Variants in AK5 observed in about 807,000 individuals in gnomAD.
AK5 encodes the protein adenylate kinase isoenzyme 5.
AK5 carries 27 observed loss-of-function variants against 69.5 expected under a neutral mutation model. That is an observed-to-expected ratio of 0.39 (90% confidence interval 0.29 to 0.54). AK5 has a LOEUF of 0.54. AK5 is among the 20% of genes least tolerant of loss of function. The pLI is 0.71. For synonymous variants in AK5, 260 were observed against 244.4 expected, an observed-to-expected ratio of 1.06 and a Z score of -0.60; for missense variants, 531 against 700.4, an observed-to-expected ratio of 0.76 and a Z score of 2.73.
intron 12 of AK5, among the ~76,000 whole-genome samples, chr1:77,528,182 A>G (rs1335064308): frequency 6.6e-6 from 1 of 152,226 alleles, no homozygotes; most frequent in Non-Finnish European, 1.5e-5. Context: ...TCCAAATTAC[A>G]AGCAAGAAAT....
chr1:77,325,066 T>C (rs1370907440), intron 5 of AK5, among the ~76,000 whole-genome samples: 1 of 151,114 alleles, frequency 6.6e-6, no homozygotes, highest in Non-Finnish European at 1.5e-5. Context: ...CAACCTCTGC[T>C]TCCTGGGTTC....
At chr1:77,497,784 G>A (rs1656436524) in intron 10 of AK5, among the ~76,000 whole-genome samples, 1 of 152,078 alleles carries the variant, frequency 6.6e-6, no homozygotes, top group African/African-American at 2.4e-5. Context: ...TTTTCACCAT[G>A]TTGCCCAGGC....
chr1:77,332,599 ATT>A (rs1276245768), intron 5 of AK5, among the ~76,000 whole-genome samples: 1 of 115,116 alleles, frequency 8.7e-6, no homozygotes, highest in African/African-American at 3.2e-5. Flanking sequence ...TTTATTATTT[ATT>A]TGATTATTTA....
At chr1:77,506,410 G>A (rs548314339) in intron 10 of AK5, among the ~76,000 whole-genome samples, 63 of 152,198 alleles carry the variant, frequency 4.1e-4, no homozygotes, top group African/African-American at 1.5e-3. Flanking sequence ...GTGAAGATGG[G>A]GTTAGGGTGC....
chr1:77,470,654 A>G (rs1195882438), intron 8 of AK5, among the ~76,000 whole-genome samples: 2 of 151,748 alleles, frequency 1.3e-5, no homozygotes, highest in African/African-American at 4.8e-5. Flanking sequence ...TTCATAGGTA[A>G]AAACTCTGTT....
At chr1:77,301,258 C>T (rs903188994) in intron 5 of AK5, among the ~76,000 whole-genome samples, 22 of 152,086 alleles carry the variant, frequency 1.4e-4, no homozygotes, top group African/African-American at 3.4e-4. Flanking sequence ...TGTCACTGGC[C>T]GCGTGGTTGA....
At chr1:77,402,838 A>G (rs1256942084) in intron 6 of AK5, among the ~76,000 whole-genome samples, 5 of 152,146 alleles carry the variant, frequency 3.3e-5, no homozygotes, top group Non-Finnish European at 7.3e-5. Context: ...GTCAAATGGT[A>G]TTTCTAGTTC....
chr1:77,369,878 TAA>T (rs1647087191), intron 6 of AK5, among the ~76,000 whole-genome samples: 1 of 152,216 alleles, frequency 6.6e-6, no homozygotes, highest in South Asian at 2.1e-4. Context: ...GTTTTAGAGT[TAA>T]GAGTGTAGTC....
intron 10 of AK5, among the ~76,000 whole-genome samples, chr1:77,491,752 A>T (rs1656020680): frequency 6.6e-6 from 1 of 152,248 alleles, no homozygotes. Flanking sequence ...TTTATTGAGC[A>T]GTTAACACGT....
At chr1:77,393,192 A>G (rs1648601665) in intron 6 of AK5, among the ~76,000 whole-genome samples, 1 of 152,174 alleles carries the variant, frequency 6.6e-6, no homozygotes, top group African/African-American at 2.4e-5. Flanking sequence ...TGAGGAAAGC[A>G]TTTTGTGATA....
intron 8 of AK5, among the ~76,000 whole-genome samples, chr1:77,461,430 G>A (rs529222771): frequency 6.6e-6 from 1 of 152,060 alleles, no homozygotes; most frequent in African/African-American, 2.4e-5. Context: ...GGAATGGGGA[G>A]ATGTCAGTCA....
chr1:77,523,658 A>G (rs553600705), intron 12 of AK5, among the ~76,000 whole-genome samples: 1 of 152,142 alleles, frequency 6.6e-6, no homozygotes, highest in East Asian at 1.9e-4. Flanking sequence ...CTGAAACTCT[A>G]CCTACTATTT....
At chr1:77,466,625 A>G (rs1049105265) in intron 8 of AK5, among the ~76,000 whole-genome samples, 1 of 152,214 alleles carries the variant, frequency 6.6e-6, no homozygotes, top group Non-Finnish European at 1.5e-5. Context: ...GGTGATTTAT[A>G]AAAAACAAAA....
chr1:77,379,241 C>T (rs1217331902), intron 6 of AK5, among the ~76,000 whole-genome samples: 1 of 152,182 alleles, frequency 6.6e-6, no homozygotes, highest in African/African-American at 2.4e-5. Flanking sequence ...AAATACCTCC[C>T]TTGCGATGGA....
intron 10 of AK5, among the ~76,000 whole-genome samples, chr1:77,497,009 T>C (rs954850798): frequency 2.0e-5 from 3 of 152,206 alleles, no homozygotes; most frequent in East Asian, 3.9e-4. Context: ...AGCAACCCAC[T>C]GGGGTCCCCT....
intron 5 of AK5, among the ~76,000 whole-genome samples, chr1:77,328,661 G>T (rs529867084): frequency 2.6e-5 from 4 of 152,206 alleles, no homozygotes; most frequent in African/African-American, 9.6e-5. Flanking sequence ...ATATATTTTT[G>T]AATCCACTAA....
chr1:77,380,081 A>C (rs1647524104), intron 6 of AK5, among the ~76,000 whole-genome samples: 1 of 152,246 alleles, frequency 6.6e-6, no homozygotes, highest in South Asian at 2.1e-4. Flanking sequence ...TTAAGAAGGC[A>C]GACACTGAAT....
intron 5 of AK5, among the ~76,000 whole-genome samples, chr1:77,318,189 T>C (rs1289112316): frequency 6.6e-6 from 1 of 152,180 alleles, no homozygotes; most frequent in African/African-American, 2.4e-5. Context: ...TGGCAGCATC[T>C]GCTTGGTGTC....
chr1:77,368,258 A>G (rs1380542075), intron 6 of AK5, among the ~76,000 whole-genome samples: 1 of 105,070 alleles, frequency 9.5e-6, no homozygotes, highest in African/African-American at 3.3e-5. Flanking sequence ...TATATAATAT[A>G]TATGTTATAT....
Sources: allele counts gnomAD v4.1 joint callset (sites outside exome capture counted in the v4.1 genomes callset), GRCh38; gene constraint gnomAD v4.1.1; transcripts MANE v1.5; gene names NCBI Gene and HGNC (gene_info 2026-07-23, HGNC 2026-07-21).